Variants in DHRSX observed in about 807,000 individuals in gnomAD.
DHRSX encodes the protein dehydrogenase/reductase X-linked, also known as polyprenol dehydrogenase.
In DHRSX, 31 loss-of-function variants were observed where a neutral mutation model predicts 34.0. The observed-to-expected ratio is 0.91, with a 90% CI of 0.69 to 1.23. The LOEUF is 1.23. Among genes scored for constraint, DHRSX ranks in the 50% most tolerant of loss-of-function variants. The pLI is 0.00. For missense variants in DHRSX, 414 were observed against 428.1 expected, an observed-to-expected ratio of 0.97 and a Z score of 0.29; for synonymous variants, 201 against 183.8, an observed-to-expected ratio of 1.09 and a Z score of -0.76.
intron 3 of DHRSX, among the ~76,000 whole-genome samples, chrX:2,372,422 G>A (rs990612868): frequency 3.3e-5 from 5 of 152,078 alleles, no homozygotes; most frequent in Admixed American, 2.0e-4. Context: ...GGGAAGGCAG[G>A]CAGTTGTGTC....
Position 2,359,618 on chromosome X carries a change from C to T in DHRSX, c.286+49127G>A, listed in dbSNP as rs778388941. On this transcript the variant is annotated intron_variant, in intron 3 of 6. Transcript: ENST00000334651. ...TTTTCAAGGGTGCAGTGAGCTGAGG[C>T]AGAGGAATTTTCAAGGGTACTGCAC... 2.6e-5 allele frequency among the ~76,000 whole-genome samples: 4 copies of T among 151,656 alleles called. No individual in the cohort carries two copies. The East Asian group carries it at 5.8e-4, about 22-fold the overall frequency.
chrX:2,304,035 G>GGATA (rs1330491449), intron 3 of DHRSX, among the ~76,000 whole-genome samples: 3 of 132,538 alleles, frequency 2.3e-5, no homozygotes, highest in African/African-American at 8.3e-5. Flanking sequence ...ATGGATGGAT[G>GGATA]GATGGATGGA....
At chrX:2,246,661 AAAAG>A (rs1194601469) in intron 5 of DHRSX, among the ~76,000 whole-genome samples, 2 of 129,110 alleles carry the variant, frequency 1.5e-5, no homozygotes, top group Non-Finnish European at 3.6e-5. Context: ...AGAAAGAAAG[AAAAG>A]AAAGAAAAGA....
At chrX:2,377,064 A>G (rs188116895) in intron 3 of DHRSX, among the ~76,000 whole-genome samples, 13 of 151,818 alleles carry the variant, frequency 8.6e-5, no homozygotes, top group African/African-American at 3.1e-4. Context: ...AAAGGCAGAT[A>G]CTGTATTGAT....
chrX:2,425,183 G>A lies in DHRSX; in HGVS notation c.217+14C>T, dbSNP rs1569499722. 4 of 1,578,252 alleles carry A rather than the reference G, an allele frequency of 2.5e-6. No individual in the cohort carries two copies. Among genetic ancestry groups the A allele is most frequent in the Non-Finnish European group, 2.6e-6 (3 of 1,158,066 alleles). On this transcript the variant is annotated intron_variant, in intron 2 of 6. Transcript: ENST00000334651. ...GAAAAAACAAAAAACACAAGTAACT[G>A]TAAAAGTCATCACCTATGATAACAT...
chrX:2,386,882 G>GTTTTTTTTTTTTTTTTTTTTT (rs57827913), intron 3 of DHRSX, among the ~76,000 whole-genome samples: 1 of 124,098 alleles, frequency 8.1e-6, no homozygotes, highest in Non-Finnish European at 1.8e-5. Context: ...TGATGGTTTT[G>GTTTTTTTTTTTTTTTTTTTTT]TTTTTTTTTT....
At chrX:2,267,036 C>T in intron 4 of DHRSX, 89 bp from the exon 5 acceptor site, 1 of 1,365,248 alleles carries the variant, frequency 7.3e-7, no homozygotes, top group Non-Finnish European at 1.0e-6. Flanking sequence ...GCAAATGGCC[C>T]AGGACATCGG....
At chrX:2,441,209 A>T (rs2044058427) in intron 1 of DHRSX, among the ~76,000 whole-genome samples, 1 of 152,192 alleles carries the variant, frequency 6.6e-6, no homozygotes, top group African/African-American at 2.4e-5. Flanking sequence ...AGCAGAATTC[A>T]AAGTCAAGGA....
chrX:2,471,262 TTA>T (rs2044588052), intron 1 of DHRSX, among the ~76,000 whole-genome samples: 1 of 152,142 alleles, frequency 6.6e-6, no homozygotes, highest in South Asian at 2.1e-4. Context: ...AGGATTCCAG[TTA>T]TGTGCTCAAG....
chrX:2,252,719 G>T (rs2016460982), intron 5 of DHRSX, among the ~76,000 whole-genome samples: 2 of 152,180 alleles, frequency 1.3e-5, no homozygotes, highest in African/African-American at 2.4e-5. Flanking sequence ...TTCTCTACAG[G>T]AGGTGAAGAA....
chrX:2,445,815 C>G (rs1317242891), intron 1 of DHRSX, among the ~76,000 whole-genome samples: 1 of 151,928 alleles, frequency 6.6e-6, no homozygotes, highest in Non-Finnish European at 1.5e-5. Flanking sequence ...AGGCATGTGG[C>G]CAAGGGACTG....
At chrX:2,317,769 G>A (rs1448565975) in intron 3 of DHRSX, among the ~76,000 whole-genome samples, 1 of 152,180 alleles carries the variant, frequency 6.6e-6, no homozygotes, top group African/African-American at 2.4e-5. Flanking sequence ...TTCATGCACA[G>A]TAAATCCACT....
Position 2,320,357 on chromosome X carries a change from T to C in DHRSX, c.287-28754A>G, listed in dbSNP as rs1189713996. On this transcript the variant is annotated intron_variant, in intron 3 of 6. Transcript: ENST00000334651. ...TCACCCAGGCTGGACTGCAGTGGGG[T>C]GATCTCAGCTCACTGCAACCTCCAC... Among the ~76,000 whole-genome samples, 4 of 98,002 alleles carry C rather than the reference T, an allele frequency of 4.1e-5. No homozygotes were observed. In the South Asian group the frequency reaches 1.5e-3, roughly 37 times the overall value. The allele number at this position is 98,002 out of a possible 152,430, so 64.3% of individuals were successfully genotyped here.
intron 3 of DHRSX, among the ~76,000 whole-genome samples, chrX:2,296,977 A>G (rs763727919): frequency 1.8e-5 from 2 of 109,728 alleles, no homozygotes; most frequent in South Asian, 5.6e-4. Flanking sequence ...CCCCAGGCAG[A>G]CAGGAATAGG....
At chrX:2,241,203 C>T (rs73183469) in intron 6 of DHRSX, among the ~76,000 whole-genome samples, 20,080 of 151,948 alleles carry the variant, frequency 0.13, 1,855 homozygotes, top group Non-Finnish European at 0.19. Context: ...ACAAAAAAAC[C>T]CAAGGGAATG....
At chrX:2,405,664 C>T (rs764369228) in intron 3 of DHRSX, among the ~76,000 whole-genome samples, 1 of 150,452 alleles carries the variant, frequency 6.6e-6, no homozygotes, top group South Asian at 2.1e-4. Context: ...GGGTGTGGTG[C>T]TGCACACCTG....
chrX:2,325,709 C>T (rs966601570), intron 3 of DHRSX, among the ~76,000 whole-genome samples: 3 of 152,036 alleles, frequency 2.0e-5, no homozygotes, highest in South Asian at 2.1e-4. Flanking sequence ...TATGTAAATG[C>T]CATGCTTGAT....
At chrX:2,238,400 C>CT (rs2016064487) in intron 6 of DHRSX, among the ~76,000 whole-genome samples, 1 of 152,040 alleles carries the variant, frequency 6.6e-6, no homozygotes, top group Non-Finnish European at 1.5e-5. Flanking sequence ...CTGGTACCGA[C>CT]TGGTCGCCCA....
chrX:2,472,895 TC>T (rs368282620), intron 1 of DHRSX, among the ~76,000 whole-genome samples: 10 of 152,144 alleles, frequency 6.6e-5, no homozygotes, highest in African/African-American at 2.4e-4. Flanking sequence ...AGGCAGGACT[TC>T]ACGTTGCCAA....
Sources: allele counts gnomAD v4.1 joint callset (sites outside exome capture counted in the v4.1 genomes callset), GRCh38; gene constraint gnomAD v4.1.1; transcripts MANE v1.5; gene names NCBI Gene and HGNC (gene_info 2026-07-23, HGNC 2026-07-21).